The following ENDOD1 variants were observed in gnomAD, a reference collection of about 807,000 sequenced individuals.
ENDOD1 encodes endonuclease domain containing 1, also known as endonuclease domain-containing 1 protein.
In ENDOD1, 9 loss-of-function variants were observed where a neutral mutation model predicts 6.5. That is an observed-to-expected ratio of 1.39 (90% CI 0.84 to 2.43). ENDOD1 has a LOEUF of 2.43. Among genes scored for constraint, ENDOD1 ranks in the 30% most tolerant of loss-of-function variants. ENDOD1 has a pLI of 0.00. For synonymous variants in ENDOD1, 255 were observed against 255.2 expected (o/e 1.00, Z 0.01); for missense variants, 648 against 635.5 (o/e 1.02, Z -0.21).
At chr11:95,107,537 T>A (rs573921271) in intron 1 of ENDOD1, among the ~76,000 whole-genome samples, 1 of 152,252 alleles carries the variant, frequency 6.6e-6, no homozygotes, top group African/African-American at 2.4e-5. Flanking sequence ...ATAATTGCTC[T>A]GGAAAGGATA....
intron 1 of ENDOD1, among the ~76,000 whole-genome samples, chr11:95,098,204 C>T (rs1859004727): frequency 6.6e-6 from 1 of 152,094 alleles, no homozygotes; most frequent in African/African-American, 2.4e-5. Flanking sequence ...ATGAGGAGCT[C>T]TTGTTTAATG....
At chr11:95,092,067 G>T (rs1591007107) in intron 1 of ENDOD1, among the ~76,000 whole-genome samples, 1 of 152,072 alleles carries the variant, frequency 6.6e-6, no homozygotes, top group African/African-American at 2.4e-5. Context: ...TGTCTTTGAG[G>T]TGATGGAAGC....
intron 1 of ENDOD1, among the ~76,000 whole-genome samples, chr11:95,110,488 T>A (rs1859136988): frequency 1.3e-5 from 2 of 152,068 alleles, no homozygotes; most frequent in African/African-American, 4.8e-5. Flanking sequence ...CTGTAAAAAA[T>A]ACCAGAGGCA....
intron 1 of ENDOD1, among the ~76,000 whole-genome samples, chr11:95,112,557 A>G (rs1246466936): frequency 6.6e-6 from 1 of 152,162 alleles, no homozygotes; most frequent in Admixed American, 6.5e-5. Flanking sequence ...GTAACCTGTC[A>G]CTTTTCCTTA....
chr11:95,110,234 T>C (rs563695338), intron 1 of ENDOD1, among the ~76,000 whole-genome samples: 1 of 152,206 alleles, frequency 6.6e-6, no homozygotes, highest in Non-Finnish European at 1.5e-5. Flanking sequence ...AGCCCTCATC[T>C]GCCCTCCTTT....
intron 1 of ENDOD1, among the ~76,000 whole-genome samples, chr11:95,115,498 T>G (rs1195606610): frequency 6.6e-6 from 1 of 152,110 alleles, no homozygotes; most frequent in African/African-American, 2.4e-5. Context: ...TATTTCTTTC[T>G]CTTCTCTGAT....
chr11:95,097,067 A>T (rs1555110396), intron 1 of ENDOD1, among the ~76,000 whole-genome samples: 2 of 151,262 alleles, frequency 1.3e-5, no homozygotes, highest in African/African-American at 4.9e-5. Flanking sequence ...AGGTGGGAGG[A>T]TCATTTGGGC....
chr11:95,129,088 C>G lies in ENDOD1; in HGVS notation c.1012C>G (p.Pro338Ala). 3 of 1,614,060 alleles carry G rather than the reference C, an allele frequency of 1.9e-6. No homozygotes were observed. Among genetic ancestry groups the G allele is most frequent in the Non-Finnish European group, 2.5e-6 (3 of 1,180,008 alleles). The change falls in exon 2 of 2, where the codon CCA becomes GCA. Residue 338 changes from proline (P) to alanine (A), a missense_variant. By Grantham distance (27) the Pro-to-Ala change is conservative (BLOSUM62 -1). Coordinates refer to ENST00000278505, the MANE Select transcript of ENDOD1 (RefSeq NM_015036.3). ...AAAACTCATGGGCTTCATTGCTACC[C>G]CATTCATCAAGCTTTTTCAATTAAT... is the stretch of plus-strand genomic sequence containing the variant. ...LGKLMGFIAT[P>A]FIKLFQLIYY...
chr11:95,090,267 A>G (rs1381774237), intron 1 of ENDOD1, 40 bp downstream of exon 1: 4 of 1,357,270 alleles, frequency 2.9e-6, no homozygotes, highest in South Asian at 1.7e-5. Context: ...CGGGCGCCGG[A>G]GACCGTGCCG....
intron 1 of ENDOD1, among the ~76,000 whole-genome samples, chr11:95,115,584 A>G (rs1555112425): frequency 6.6e-6 from 1 of 152,174 alleles, no homozygotes; most frequent in Non-Finnish European, 1.5e-5. Context: ...TTCATATCTT[A>G]CAGGAAAGAC....
intron 1 of ENDOD1, among the ~76,000 whole-genome samples, chr11:95,118,892 G>T (rs1244218575): frequency 6.6e-6 from 1 of 152,058 alleles, no homozygotes; most frequent in African/African-American, 2.4e-5. Flanking sequence ...TTTTCAAATA[G>T]TCTGTCTTTA....
At chr11:95,108,896 G>A (rs1321176884) in intron 1 of ENDOD1, among the ~76,000 whole-genome samples, 1 of 152,146 alleles carries the variant, frequency 6.6e-6, no homozygotes, top group Non-Finnish European at 1.5e-5. Context: ...AGGCAGCTCT[G>A]ATAAGATTAT....
chr11:95,098,736 C>T (rs995245124), intron 1 of ENDOD1, among the ~76,000 whole-genome samples: 3 of 151,644 alleles, frequency 2.0e-5, no homozygotes, highest in African/African-American at 4.8e-5. Flanking sequence ...TCCTCAGCAT[C>T]GTCAGAAATA....
intron 1 of ENDOD1, among the ~76,000 whole-genome samples, chr11:95,114,031 G>T (rs1478219480): frequency 6.6e-6 from 1 of 152,130 alleles, no homozygotes; most frequent in Non-Finnish European, 1.5e-5. Context: ...ATGATGTTGG[G>T]CACTTTTTCA....
At chr11:95,117,486 T>C (rs1221999548) in intron 1 of ENDOD1, among the ~76,000 whole-genome samples, 3 of 152,350 alleles carry the variant, frequency 2.0e-5, no homozygotes, top group African/African-American at 7.2e-5. Flanking sequence ...TATATCCTCT[T>C]GCTGAATTGA....
At chr11:95,127,238 C>A (rs1859320505) in intron 1 of ENDOD1, among the ~76,000 whole-genome samples, 3 of 151,978 alleles carry the variant, frequency 2.0e-5, no homozygotes, top group Non-Finnish European at 2.9e-5. Flanking sequence ...ATGACATAAT[C>A]CTAAATTAAT....
chr11:95,109,412 T>C (rs1379621574), intron 1 of ENDOD1, among the ~76,000 whole-genome samples: 4 of 152,230 alleles, frequency 2.6e-5, no homozygotes, highest in African/African-American at 4.8e-5. Flanking sequence ...GGAAATCTTA[T>C]GTGCATCAGA....
chr11:95,110,439 A>G (rs1225383271), intron 1 of ENDOD1, among the ~76,000 whole-genome samples: 3 of 152,236 alleles, frequency 2.0e-5, no homozygotes, highest in Non-Finnish European at 4.4e-5. Flanking sequence ...GCAGACAAGG[A>G]GTACAAGAGA....
At chr11:95,116,483 G>A (rs481710) in intron 1 of ENDOD1, among the ~76,000 whole-genome samples, 150,282 of 152,302 alleles carry the variant, frequency 0.99, 74,144 homozygotes, top group East Asian at 1. Flanking sequence ...CTACATTTCA[G>A]TTTCATTTAT....
Sources: allele counts gnomAD v4.1 joint callset (sites outside exome capture counted in the v4.1 genomes callset), GRCh38; gene constraint gnomAD v4.1.1; transcripts MANE v1.5; gene names NCBI Gene and HGNC (gene_info 2026-07-23, HGNC 2026-07-21).